SLC8A3: variants seen among roughly 807,000 people sequenced by gnomAD.
SLC8A3 encodes the protein sodium/calcium exchanger 3.
In SLC8A3, 37 loss-of-function variants were observed where a neutral mutation model predicts 65.4. That is an observed-to-expected ratio of 0.57 (90% CI 0.44 to 0.74). SLC8A3 has a LOEUF of 0.74. SLC8A3 is among the 30% of genes least tolerant of loss of function. SLC8A3 has a pLI of 0.00. For missense variants in SLC8A3, 1,112 were observed against 1,172.1 expected, an observed-to-expected ratio of 0.95 and a Z score of 0.75; for synonymous variants, 461 against 444.5, an observed-to-expected ratio of 1.04 and a Z score of -0.47.
chr14:70,153,336 T>C (rs1896385963), intron 2 of SLC8A3, among the ~76,000 whole-genome samples: 1 of 152,150 alleles, frequency 6.6e-6, no homozygotes, highest in Admixed American at 6.5e-5. Context: ...GGACACAGCT[T>C]GCATGGGGAT....
intron 3 of SLC8A3, among the ~76,000 whole-genome samples, chr14:70,058,080 G>T (rs533096473): frequency 6.6e-6 from 1 of 152,086 alleles, no homozygotes; most frequent in East Asian, 1.9e-4. Context: ...CTCATCCAGA[G>T]CTTTTAATCT....
intron 2 of SLC8A3, among the ~76,000 whole-genome samples, chr14:70,101,075 A>G (rs1271550763): frequency 6.6e-6 from 1 of 152,262 alleles, no homozygotes; most frequent in Non-Finnish European, 1.5e-5. Flanking sequence ...TTCAATAGGT[A>G]CATACTGCAT....
chr14:70,136,529 C>T (rs55967225), intron 2 of SLC8A3, among the ~76,000 whole-genome samples: 2 of 152,210 alleles, frequency 1.3e-5, no homozygotes, highest in Admixed American at 6.5e-5. Context: ...TGAGCCCACT[C>T]GCCTTTGCAG....
intron 1 of SLC8A3, 124 bp from the exon 2 acceptor site, chr14:70,168,608 T>C (rs1594797781): frequency 1.7e-6 from 1 of 576,906 alleles, no homozygotes; most frequent in East Asian, 2.8e-5. Context: ...TGGGGCAGTC[T>C]CTCACTTGGA....
At position 70,167,779 on chromosome 14, in the gene SLC8A3, A is replaced by G; in HGVS notation, c.644T>C (p.Ile215Thr). Residue 215 changes from isoleucine to threonine, a missense_variant, in exon 2 of 7, where the codon ATC becomes ACC. Ile to Thr is a moderately conservative substitution (Grantham distance 89). Coordinates refer to ENST00000356921, the MANE Select transcript of SLC8A3 (RefSeq NM_182932.3). ...GACTGCCAGAATCATATAGAGCCAG[A>G]TGTAGGCAAAGATACTCCAAGCAGC... is the stretch of plus-strand genomic sequence containing the variant. Reference protein sequence around the residue: ...ITAAWSIFAYIWLYMILAVFS... With the variant: ...ITAAWSIFAYTWLYMILAVFS... 1.9e-6 allele frequency: 3 copies of G among 1,614,168 alleles called. No homozygotes were observed. The highest frequency in any genetic ancestry group is 2.5e-6 in the Non-Finnish European group (3 of 1,180,022).
rs1282356779 is a variant in SLC8A3 at position 70,076,467 on chromosome 14, T to C, written c.1785-15528A>G. On this transcript the variant is annotated intron_variant, in intron 2 of 6. Coordinates refer to ENST00000356921, the MANE Select transcript of SLC8A3 (RefSeq NM_182932.3). Reference sequence around the variant, plus strand: ...GTTGAATGAATGCATGAATGATTAATGAATACCAGTAAGTGGTGGAGCCCA... The same window carrying C: ...GTTGAATGAATGCATGAATGATTAACGAATACCAGTAAGTGGTGGAGCCCA... 2.0e-5 allele frequency among the ~76,000 whole-genome samples: 3 copies of C among 152,220 alleles called. No homozygotes were observed. In the East Asian group the frequency reaches 5.8e-4, roughly 29 times the overall value.
chr14:70,077,742 A>AAT (rs1890667889), intron 2 of SLC8A3, among the ~76,000 whole-genome samples: 2 of 152,144 alleles, frequency 1.3e-5, no homozygotes, highest in African/African-American at 4.8e-5. Flanking sequence ...GGGTCCCAGT[A>AAT]CCAATTTCTC....
At chr14:70,054,542 C>G (rs1887867582) in intron 3 of SLC8A3, among the ~76,000 whole-genome samples, 1 of 151,950 alleles carries the variant, frequency 6.6e-6, no homozygotes, top group Non-Finnish European at 1.5e-5. Context: ...AGAGTTGGAA[C>G]AAAGAAGCCT....
At chr14:70,185,110 G>T (rs932433037) in intron 1 of SLC8A3, among the ~76,000 whole-genome samples, 3 of 151,904 alleles carry the variant, frequency 2.0e-5, no homozygotes, top group African/African-American at 7.3e-5. Flanking sequence ...GGGATTACAG[G>T]TGCCTGCCAC....
chr14:70,150,686 A>G (rs567798138), intron 2 of SLC8A3, among the ~76,000 whole-genome samples: 90 of 152,312 alleles, frequency 5.9e-4, no homozygotes, highest in African/African-American at 2.1e-3. Flanking sequence ...CTCTCTTTGC[A>G]GAGGAAAGCA....
At chr14:70,127,369 G>C (rs1345209589) in intron 2 of SLC8A3, among the ~76,000 whole-genome samples, 2 of 152,118 alleles carry the variant, frequency 1.3e-5, no homozygotes, top group Admixed American at 6.5e-5. Context: ...ACCCCGCCCA[G>C]GTAGACTTTT....
chr14:70,068,962 C>A (rs1216012058), intron 2 of SLC8A3, among the ~76,000 whole-genome samples: 1 of 152,204 alleles, frequency 6.6e-6, no homozygotes, highest in East Asian at 1.9e-4. Flanking sequence ...AAGCAATCCA[C>A]TGGCCTCGGC....
chr14:70,133,222 G>T (rs1476770161), intron 2 of SLC8A3, among the ~76,000 whole-genome samples: 1 of 152,148 alleles, frequency 6.6e-6, no homozygotes, highest in African/African-American at 2.4e-5. Context: ...ATGAGGCCTT[G>T]AAAGAAAAGA....
At chr14:70,095,104 G>GGCTT (rs1462811697) in intron 2 of SLC8A3, among the ~76,000 whole-genome samples, 4 of 152,298 alleles carry the variant, frequency 2.6e-5, no homozygotes, top group African/African-American at 9.6e-5. Flanking sequence ...GGTTTACAAG[G>GGCTT]GCTTGTCACG....
intron 6 of SLC8A3, chr14:70,047,957 AG>A (rs368231996): frequency 6.6e-6 from 1 of 152,398 alleles, no homozygotes; most frequent in African/African-American, 2.4e-5. Flanking sequence ...AGTAGTTGAG[AG>A]TTGCCTCCTT....
chr14:70,180,098 A>T (rs1469357482), intron 1 of SLC8A3, among the ~76,000 whole-genome samples: 1 of 152,206 alleles, frequency 6.6e-6, no homozygotes, highest in Non-Finnish European at 1.5e-5. Flanking sequence ...TGTTGCCAAG[A>T]GAGAACCACC....
chr14:70,173,050 A>G (rs1305100017), intron 1 of SLC8A3, among the ~76,000 whole-genome samples: 1 of 152,224 alleles, frequency 6.6e-6, no homozygotes, highest in East Asian at 1.9e-4. Context: ...GAGGCTAGAC[A>G]GTAGGGAAGA....
intron 2 of SLC8A3, among the ~76,000 whole-genome samples, chr14:70,122,223 C>T (rs1015385739): frequency 2.6e-5 from 4 of 152,318 alleles, no homozygotes; most frequent in African/African-American, 9.6e-5. Flanking sequence ...GTTTATTGCT[C>T]CCACTCCCAC....
In SLC8A3 at chr14:70,046,465, C is replaced by T. The variant is rs754340597; in HGVS notation, c.2390-142G>A. The T allele has an allele frequency of 3.8e-6, 3 of 788,256 alleles. No individual in the cohort carries two copies. Among genetic ancestry groups the T allele is most frequent in the Non-Finnish European group, 5.9e-6 (3 of 508,998 alleles). 48.8% of individuals were successfully genotyped at this position (788,256 alleles called of 1,614,324 possible). A position where few individuals can be genotyped will look rare whatever the true frequency, so the allele number is the denominator to read the frequency against. On this transcript the variant is annotated intron_variant, in intron 6 of 6. Transcript: ENST00000356921. This position sits in a 1 kb window ranked among gnomAD's most constrained non-coding sequence, Gnocchi z 4.2. ...AAGGGCTAGGGGGCCACTCCTAACT[C>T]CTAGTTCTGCCGCAAGCAAGCCGTG...
Sources: allele counts gnomAD v4.1 joint callset (sites outside exome capture counted in the v4.1 genomes callset), GRCh38; gene constraint gnomAD v4.1.1; non-coding constraint Gnocchi (gnomAD v3.1); transcripts MANE v1.5; gene names NCBI Gene and HGNC (gene_info 2026-07-23, HGNC 2026-07-21).